Variants in NLGN1 observed in about 807,000 individuals in gnomAD.
NLGN1 encodes the protein neuroligin-1.
A neutral mutation model predicts 65.5 loss-of-function variants in NLGN1; 12 were observed. That is an observed-to-expected ratio of 0.18 (90% CI 0.12 to 0.30). NLGN1 has a LOEUF of 0.30. Among genes scored for constraint, NLGN1 ranks in the 10% least tolerant of loss-of-function variants. The pLI is 1.00. For missense variants in NLGN1, 750 were observed against 1,007.1 expected (o/e 0.74, Z 3.46); for synonymous variants, 350 against 359.5 (o/e 0.97, Z 0.30).
At chr3:173,826,861 T>C (rs1377519866) in intron 4 of NLGN1, among the ~76,000 whole-genome samples, 1 of 152,110 alleles carries the variant, frequency 6.6e-6, no homozygotes, top group Non-Finnish European at 1.5e-5. Context: ...GGGCTTGACT[T>C]AGCAGAAAAA....
chr3:174,233,540 G>A (rs942245465), intron 4 of NLGN1, among the ~76,000 whole-genome samples: 2 of 151,348 alleles, frequency 1.3e-5, no homozygotes. Context: ...ACAGTTAAAG[G>A]CAAACCTCTT....
chr3:173,731,867 A>G (rs1254158063), intron 3 of NLGN1, among the ~76,000 whole-genome samples: 2 of 152,072 alleles, frequency 1.3e-5, no homozygotes, highest in Admixed American at 1.3e-4. Flanking sequence ...TTAAAAAGAC[A>G]TTTTTTGTAA....
rs1746094764 is a variant in NLGN1, at chr3:174,257,874, A to G, written c.647-17441A>G. 1.3e-5 allele frequency among the ~76,000 whole-genome samples: 2 copies of G among 151,002 alleles called. 1 individual carries two copies. Among genetic ancestry groups the G allele is most frequent in the Admixed American group, 1.3e-4 (2 of 15,146 alleles). On this transcript the variant is annotated intron_variant, in intron 4 of 6. Transcript: ENST00000457714. ...AAGGATACAAAGTATTGATCCTGGG[A>G]TGATCTGCGCAGCAACTTTATATCT...
intron 4 of NLGN1, among the ~76,000 whole-genome samples, chr3:173,845,528 C>G (rs1725565885): frequency 6.6e-6 from 1 of 151,444 alleles, no homozygotes; most frequent in South Asian, 2.1e-4. Context: ...TTCTCTAGGA[C>G]TCAATAATTT....
intron 4 of NLGN1, among the ~76,000 whole-genome samples, chr3:173,867,703 G>A (rs1220389586): frequency 1.3e-5 from 2 of 151,838 alleles, no homozygotes; most frequent in African/African-American, 4.8e-5. Context: ...GGTGATGAAG[G>A]GTACATTCCA....
At chr3:173,958,289 AAGT>A (rs1712627073) in intron 4 of NLGN1, among the ~76,000 whole-genome samples, 1 of 152,192 alleles carries the variant, frequency 6.6e-6, no homozygotes, top group Admixed American at 6.5e-5. Context: ...GTACATGGAC[AAGT>A]GGAGGTTGAG....
At chr3:173,648,919 A>G (rs899020612) in intron 3 of NLGN1, among the ~76,000 whole-genome samples, 1 of 152,130 alleles carries the variant, frequency 6.6e-6, no homozygotes, top group African/African-American at 2.4e-5. Flanking sequence ...TTTAACCAAG[A>G]AAAAAGAAAG....
rs74334755 is a variant in NLGN1, at chr3:173,814,468, A to G, written c.646+6636A>G. Among the ~76,000 whole-genome samples, 892 of 152,308 alleles carry G rather than the reference A, an allele frequency of 5.9e-3. 4 individuals are homozygous for G. Among genetic ancestry groups the G allele is most frequent in the Non-Finnish European group, 8.6e-3 (584 of 68,028 alleles). On this transcript the variant is annotated intron_variant, in intron 4 of 6. Transcript: ENST00000457714. ...AGGGGACAACTTTAGATAGGTAATG[A>G]TATTTTGCAAAGTTGACTGCTCATT...
intron 2 of NLGN1, among the ~76,000 whole-genome samples, chr3:173,484,679 A>G (rs902063444): frequency 6.6e-6 from 1 of 152,214 alleles, no homozygotes; most frequent in Non-Finnish European, 1.5e-5. Context: ...TAACTCTACA[A>G]GCATCAAGAC....
At chr3:173,911,179 A>C (rs1342101318) in intron 4 of NLGN1, among the ~76,000 whole-genome samples, 1 of 152,202 alleles carries the variant, frequency 6.6e-6, no homozygotes, top group Non-Finnish European at 1.5e-5. Context: ...AAATGTACTA[A>C]TTTTTGAAAA....
chr3:173,777,115 C>A (rs927096947), intron 3 of NLGN1, among the ~76,000 whole-genome samples: 3 of 151,896 alleles, frequency 2.0e-5, no homozygotes, highest in African/African-American at 7.2e-5. Context: ...GTTTCGGTCA[C>A]CTCATCTATA....
At chr3:173,620,851 C>G (rs575626123) in intron 3 of NLGN1, among the ~76,000 whole-genome samples, 1 of 152,150 alleles carries the variant, frequency 6.6e-6, no homozygotes, top group Non-Finnish European at 1.5e-5. Context: ...AAATCATAAA[C>G]TGTCAACTGG....
intron 4 of NLGN1, among the ~76,000 whole-genome samples, chr3:174,141,811 G>A (rs438131): frequency 6.6e-6 from 1 of 152,050 alleles, no homozygotes; most frequent in Admixed American, 6.6e-5. Flanking sequence ...TGTAAGTTAT[G>A]AGAAAATAAA....
intron 3 of NLGN1, among the ~76,000 whole-genome samples, chr3:173,745,040 A>T (rs6776920): frequency 0.023 from 3,443 of 152,170 alleles, 142 homozygotes; most frequent in African/African-American, 0.08. Context: ...CACATTCTTA[A>T]TGGCTCATCC....
chr3:174,109,344 A>G (rs1356526302), intron 4 of NLGN1, among the ~76,000 whole-genome samples: 1 of 151,752 alleles, frequency 6.6e-6, no homozygotes, highest in Non-Finnish European at 1.5e-5. Context: ...ACTGTGCATT[A>G]TTTTTTGTGT....
chr3:174,154,969 T>TATATTATATGTA, intron 4 of NLGN1, among the ~76,000 whole-genome samples: 1 of 137,740 alleles, frequency 7.3e-6, no homozygotes, highest in Non-Finnish European at 1.5e-5. Flanking sequence ...TATATAATTA[T>TATATTATATGTA]ATATAATATA....
At chr3:173,830,287 A>G (rs758013562) in intron 4 of NLGN1, among the ~76,000 whole-genome samples, 19 of 152,168 alleles carry the variant, frequency 1.2e-4, no homozygotes, top group Non-Finnish European at 2.6e-4. Flanking sequence ...AAGGGAAGTC[A>G]TGTAGCCAGT....
At chr3:173,864,918 G>A (rs1729835282) in intron 4 of NLGN1, among the ~76,000 whole-genome samples, 1 of 152,114 alleles carries the variant, frequency 6.6e-6, no homozygotes, top group African/African-American at 2.4e-5. Context: ...TGCCTTTTAG[G>A]GGGAAAAATA....
At chr3:173,931,115 C>T (rs1367909450) in intron 4 of NLGN1, among the ~76,000 whole-genome samples, 2 of 152,098 alleles carry the variant, frequency 1.3e-5, no homozygotes, top group African/African-American at 4.8e-5. Context: ...GACATTTTTA[C>T]ATTCATTGCT....
Sources: gnomAD v4.1 joint callset for allele counts (sites outside exome capture counted in the v4.1 genomes callset) on GRCh38, gnomAD v4.1.1 for gene constraint, MANE v1.5 for transcripts, NCBI Gene and HGNC (gene_info 2026-07-23, HGNC 2026-07-21) for gene names.